The following SHISA9 variants were observed in gnomAD, a reference collection of about 807,000 sequenced individuals.
The protein encoded by SHISA9 is shisa family member 9.
Under a neutral mutation model 38.0 loss-of-function variants are expected in SHISA9, and 13 were observed. The observed-to-expected ratio is 0.34, with a 90% CI of 0.22 to 0.54. The LOEUF is 0.54. Ranked by LOEUF, SHISA9 falls within the 20% of genes least tolerant of loss-of-function variation. The pLI, the probability that SHISA9 is intolerant of heterozygous loss-of-function variation, is 0.91. For missense variants in SHISA9, 538 were observed against 575.8 expected (o/e 0.93, Z 0.67); for synonymous variants, 275 against 242.0 (o/e 1.14, Z -1.27).
chr16:13,199,198 A>T (rs2050980055), intron 2 of SHISA9, among the ~76,000 whole-genome samples: 1 of 152,176 alleles, frequency 6.6e-6, no homozygotes, highest in Non-Finnish European at 1.5e-5. Context: ...CTTATACTGG[A>T]GGATAATAGG....
At chr16:13,141,835 T>C (rs1292809407) in intron 2 of SHISA9, among the ~76,000 whole-genome samples, 2 of 152,200 alleles carry the variant, frequency 1.3e-5, no homozygotes, top group Admixed American at 1.3e-4. Context: ...AATAAGGAAA[T>C]AGGCAAGTCA....
chr16:13,083,204 G>T (rs200172985), intron 2 of SHISA9, among the ~76,000 whole-genome samples: 2 of 152,166 alleles, frequency 1.3e-5, no homozygotes, highest in African/African-American at 2.4e-5. Context: ...CTGGCAGTTC[G>T]TGGCTACTCC....
At chr16:13,547,206 G>GA in the SHISA9 span, among the ~76,000 whole-genome samples, 96 of 150,402 alleles carry the variant, frequency 6.4e-4, no homozygotes, top group Admixed American at 5.1e-3. Context: ...GCCAGTAATG[G>GA]AAAAAAAAAT....
chr16:13,469,421 GAA>G, the SHISA9 span, among the ~76,000 whole-genome samples: 11,385 of 117,192 alleles, frequency 0.097, 770 homozygotes, highest in South Asian at 0.12. Context: ...AAGAAAGAAA[GAA>G]AAAGAAAGAA....
chr16:13,336,613 A>G, the SHISA9 span, among the ~76,000 whole-genome samples: 5 of 152,192 alleles, frequency 3.3e-5, no homozygotes, highest in African/African-American at 1.2e-4. Context: ...AAGATGAGAA[A>G]TGTGTTTCCT....
the SHISA9 span, among the ~76,000 whole-genome samples, chr16:13,531,645 G>T: frequency 5.3e-5 from 8 of 152,158 alleles, no homozygotes; most frequent in Admixed American, 6.5e-5. Context: ...AATTAGCAGG[G>T]TCCCTGAGGA....
chr16:13,455,641 G>A, the SHISA9 span, among the ~76,000 whole-genome samples: 6 of 152,190 alleles, frequency 3.9e-5, no homozygotes, highest in Non-Finnish European at 8.8e-5. Context: ...CATGTGTTAA[G>A]ATGCAAAAAC....
chr16:13,272,804 C>A, the SHISA9 span, among the ~76,000 whole-genome samples: 93 of 152,250 alleles, frequency 6.1e-4, no homozygotes, highest in African/African-American at 2.0e-3. Flanking sequence ...TGTTATCTTT[C>A]TCTCTTCTTC....
intron 2 of SHISA9, among the ~76,000 whole-genome samples, chr16:13,120,069 C>A (rs1040149434): frequency 6.6e-6 from 1 of 151,934 alleles, no homozygotes; most frequent in African/African-American, 2.4e-5. Context: ...GCTGGCATAA[C>A]CTTAGAGATG....
chr16:13,166,220 C>T lies in SHISA9; in HGVS notation c.692-37174C>T, dbSNP rs187172580. Among the ~76,000 whole-genome samples, 154 of 152,292 alleles carry T rather than the reference C, an allele frequency of 1.0e-3. 1 individual carries two copies. Among genetic ancestry groups the T allele is most frequent in the African/African-American group, 3.6e-3 (151 of 41,568 alleles). ...AGTACCTCTCTCTCAACTCTAGCAA[C>T]GTCAGACTTCTAAGAGTTTCTACAA... is the stretch of plus-strand genomic sequence containing the variant. On this transcript the variant is annotated intron_variant, in intron 2 of 4. Coordinates refer to ENST00000558583, the MANE Select transcript of SHISA9 (RefSeq NM_001145204.3).
chr16:13,459,129 C>T, the SHISA9 span, among the ~76,000 whole-genome samples: 3 of 152,196 alleles, frequency 2.0e-5, no homozygotes, highest in South Asian at 6.2e-4. Flanking sequence ...GCTGGGATTA[C>T]AGATGTGAGC....
the SHISA9 span, among the ~76,000 whole-genome samples, chr16:13,454,065 A>ATC: frequency 6.6e-6 from 1 of 152,190 alleles, no homozygotes; most frequent in Non-Finnish European, 1.5e-5. Context: ...AGGCAGACAT[A>ATC]TCTACTTGAT....
intron 2 of SHISA9, among the ~76,000 whole-genome samples, chr16:13,141,881 G>A (rs995387117): frequency 2.0e-5 from 3 of 152,132 alleles, no homozygotes; most frequent in African/African-American, 7.2e-5. Flanking sequence ...GCTAATCACT[G>A]CCTCCCTTTA....
the SHISA9 span, among the ~76,000 whole-genome samples, chr16:13,537,520 G>T: frequency 2.0e-5 from 3 of 152,060 alleles, no homozygotes; most frequent in African/African-American, 7.2e-5. Flanking sequence ...GGAAAATTAT[G>T]ATGTAACTAC....
chr16:13,511,054 A>G, the SHISA9 span, among the ~76,000 whole-genome samples: 1 of 152,222 alleles, frequency 6.6e-6, no homozygotes, highest in African/African-American at 2.4e-5. Context: ...GTTCATCACT[A>G]CATTAGCCAT....
chr16:13,218,919 A>T (rs1434964100), intron 4 of SHISA9, among the ~76,000 whole-genome samples: 1 of 152,314 alleles, frequency 6.6e-6, no homozygotes, highest in East Asian at 1.9e-4. Context: ...ACATTACTTC[A>T]TGAAATTTGG....
the SHISA9 span, among the ~76,000 whole-genome samples, chr16:13,544,490 T>C: frequency 2.7e-5 from 4 of 148,412 alleles, no homozygotes; most frequent in South Asian, 8.5e-4. Flanking sequence ...GACATGACTC[T>C]TGAAGTTTTC....
At chr16:12,973,839 TTGTC>T (rs1312793481) in intron 2 of SHISA9, among the ~76,000 whole-genome samples, 5 of 152,192 alleles carry the variant, frequency 3.3e-5, no homozygotes, top group Non-Finnish European at 5.9e-5. Context: ...TTGCCACTAA[TTGTC>T]TGTATAGCCT....
chr16:12,950,560 C>T (rs1013329674), intron 2 of SHISA9, among the ~76,000 whole-genome samples: 8 of 151,726 alleles, frequency 5.3e-5, no homozygotes. Flanking sequence ...CTGTGGAAAA[C>T]AGCATGGAGG....
Sources: allele counts gnomAD v4.1 joint callset (sites outside exome capture counted in the v4.1 genomes callset), GRCh38; gene constraint gnomAD v4.1.1; transcripts MANE v1.5; gene names NCBI Gene and HGNC (gene_info 2026-07-23, HGNC 2026-07-21).